Variants in RNF144A observed in about 807,000 individuals in gnomAD.
RNF144A encodes ring finger protein 144A, also known as E3 ubiquitin-protein ligase RNF144A.
In RNF144A, 11 loss-of-function variants were observed where a neutral mutation model predicts 38.7. The ratio of observed to expected loss-of-function variants is 0.28; its 90% confidence interval spans 0.18 to 0.47. The LOEUF is 0.47. Ranked by LOEUF, RNF144A falls within the 20% of genes least tolerant of loss-of-function variation. RNF144A has a pLI of 0.99. For missense variants in RNF144A, 316 were observed against 377.2 expected (o/e 0.84, Z 1.34); for synonymous variants, 149 against 143.9 (o/e 1.04, Z -0.25).
rs1379812581 is a variant in RNF144A, at chr2:7,043,530, T to C, written c.*3770T>C. ...TTTGCATGTGTAAAGCTTCATGAAG[T>C]TCTCTTTAAAAAATACCAAAGCTTG... On this transcript the variant is annotated 3_prime_UTR_variant, in exon 9 of 9. Coordinates refer to ENST00000320892, the MANE Select transcript of RNF144A (RefSeq NM_014746.6). The C allele has an allele frequency of 1.0e-6, 1 of 985,486 alleles. No homozygotes were observed. The allele number at this position is 985,486 out of a possible 1,614,324, so 61.0% of individuals were successfully genotyped here.
intron 2 of RNF144A, among the ~76,000 whole-genome samples, chr2:6,986,564 A>C (rs1450038653): frequency 1.3e-5 from 2 of 152,150 alleles, no homozygotes; most frequent in Admixed American, 1.3e-4. Flanking sequence ...CACACCCCAC[A>C]GTGGCTCTTT....
intron 6 of RNF144A, among the ~76,000 whole-genome samples, chr2:7,049,235 A>T (rs1411633719): frequency 3.9e-5 from 6 of 152,178 alleles, no homozygotes. Context: ...AGAAACAGAG[A>T]TATGAAGGTA....
At chr2:7,060,176 CTCT>C (rs899303162) in intron 6 of RNF144A, among the ~76,000 whole-genome samples, 1 of 152,138 alleles carries the variant, frequency 6.6e-6, no homozygotes, top group Non-Finnish European at 1.5e-5. Context: ...CCTCTCACTT[CTCT>C]TCTTTGTTTC....
At chr2:6,964,915 A>G (rs925168803) in intron 2 of RNF144A, among the ~76,000 whole-genome samples, 5 of 152,144 alleles carry the variant, frequency 3.3e-5, no homozygotes, top group South Asian at 2.1e-4. Context: ...ACATGTATAC[A>G]TATGTAACTA....
chr2:7,043,471 T>C lies in RNF144A; in HGVS notation c.*3711T>C. On this transcript the variant is annotated 3_prime_UTR_variant, in exon 9 of 9. Transcript: ENST00000320892. ...ATTAGTGAGCACACCTGTGTATATA[T>C]ATAAATCACAAGGAGATCATCAAGG... 6 of 985,804 alleles carry C rather than the reference T, an allele frequency of 6.1e-6. No individual in the cohort carries two copies. The highest frequency in any genetic ancestry group is 7.2e-6 in the Non-Finnish European group (6 of 829,922). 61.1% of individuals were successfully genotyped at this position (985,804 alleles called of 1,614,324 possible). A position where few individuals can be genotyped will look rare whatever the true frequency, so the allele number is the denominator to read the frequency against.
intron 8 of RNF144A, among the ~76,000 whole-genome samples, chr2:7,039,405 GGATA>G (rs1411498623): frequency 6.6e-6 from 1 of 150,878 alleles, no homozygotes; most frequent in Non-Finnish European, 1.5e-5. Flanking sequence ...ATGGATGGAT[GGATA>G]GATGGATGGG....
intron 1 of RNF144A, among the ~76,000 whole-genome samples, chr2:6,921,293 A>C (rs1474624989): frequency 6.6e-6 from 1 of 152,214 alleles, no homozygotes; most frequent in East Asian, 1.9e-4. Flanking sequence ...CAGGCTTATA[A>C]GCTGGATGCA....
chr2:7,012,663 C>G (rs1186038491), intron 3 of RNF144A, among the ~76,000 whole-genome samples: 2 of 152,248 alleles, frequency 1.3e-5, no homozygotes, highest in Non-Finnish European at 1.5e-5. Context: ...CAGAACCAGG[C>G]TGCAGCCCTG....
chr2:7,011,402 A>G lies in RNF144A; in HGVS notation c.136-3052A>G, dbSNP rs142683964. Among the ~76,000 whole-genome samples, 356 of 152,318 alleles carry G rather than the reference A, an allele frequency of 2.3e-3. 2 individuals are homozygous for G. The highest frequency in any genetic ancestry group is 7.9e-3 in the African/African-American group (329 of 41,562). On this transcript the variant is annotated intron_variant, in intron 3 of 8. Coordinates refer to ENST00000320892, the MANE Select transcript of RNF144A (RefSeq NM_014746.6). The stretch of plus-strand genomic sequence containing the variant: ...GTTTTCAATTGAGGAGTAAGTATAC[A>G]AAAAATGTACAACAGACAAACATAA...
chr2:7,012,829 C>T (rs1385556863), intron 3 of RNF144A, among the ~76,000 whole-genome samples: 1 of 152,198 alleles, frequency 6.6e-6, no homozygotes, highest in Non-Finnish European at 1.5e-5. Context: ...ATACTCACTA[C>T]TCTGGGAAAT....
At chr2:6,953,294 T>A (rs1050871824) in intron 2 of RNF144A, among the ~76,000 whole-genome samples, 3 of 152,042 alleles carry the variant, frequency 2.0e-5, no homozygotes, top group Non-Finnish European at 4.4e-5. Context: ...AGCGGCATGG[T>A]GGCGGGCGCC....
At chr2:6,966,602 G>T (rs552634374) in intron 2 of RNF144A, among the ~76,000 whole-genome samples, 1 of 152,312 alleles carries the variant, frequency 6.6e-6, no homozygotes, top group South Asian at 2.1e-4. Flanking sequence ...ATTTTAAGAG[G>T]TTAATAGTAG....
intron 6 of RNF144A, among the ~76,000 whole-genome samples, chr2:7,066,715 C>G (rs1342639737): frequency 6.6e-6 from 1 of 152,128 alleles, no homozygotes; most frequent in African/African-American, 2.4e-5. Context: ...AAAATTATCG[C>G]CATGTTGTGT....
intron 2 of RNF144A, among the ~76,000 whole-genome samples, chr2:6,975,438 A>G (rs1668252582): frequency 6.6e-6 from 1 of 152,200 alleles, no homozygotes; most frequent in Non-Finnish European, 1.5e-5. Context: ...CTTTAAAGGT[A>G]TATATTGAGA....
At chr2:6,920,605 C>G (rs929714985) in intron 1 of RNF144A, among the ~76,000 whole-genome samples, 2 of 152,250 alleles carry the variant, frequency 1.3e-5, no homozygotes, top group African/African-American at 4.8e-5. Flanking sequence ...AGCCCAGAGG[C>G]GGGGAATGGA....
intron 8 of RNF144A, among the ~76,000 whole-genome samples, chr2:7,032,216 C>T (rs1322914744): frequency 6.6e-5 from 10 of 152,004 alleles, no homozygotes; most frequent in Admixed American, 1.3e-4. Flanking sequence ...TGCTGGAATC[C>T]GCGCCCCTTG....
intron 7 of RNF144A, among the ~76,000 whole-genome samples, chr2:7,029,132 C>T (rs769250540): frequency 1.3e-5 from 2 of 152,304 alleles, no homozygotes; most frequent in South Asian, 4.1e-4. Context: ...TTTCCTCAGG[C>T]GCATTGGGCC....
intron 6 of RNF144A, among the ~76,000 whole-genome samples, chr2:7,050,507 C>T (rs1053172815): frequency 6.6e-6 from 1 of 152,130 alleles, no homozygotes; most frequent in Non-Finnish European, 1.5e-5. Context: ...TTCAGTCTCT[C>T]GTGGACACAC....
In RNF144A at chr2:6,917,657, G is replaced by T. The variant is rs1290532426; in HGVS notation, c.-212+35G>T. On this transcript the variant is annotated intron_variant, in intron 1 of 8. Transcript: ENST00000320892. The surrounding 1 kb of genome is among the most constrained non-coding windows in gnomAD (Gnocchi z 4.8). ...CGCGCGTCCCCTTTGTGTCCGCATCGCCCGGGCCGGCCGCGGAGCGGGGAG... is the reference window on the plus strand; with the variant it reads ...CGCGCGTCCCCTTTGTGTCCGCATCTCCCGGGCCGGCCGCGGAGCGGGGAG... 6.8e-6 allele frequency: 1 copy of T among 147,714 alleles called. No individual in the cohort carries two copies. The highest frequency in any genetic ancestry group is 1.5e-5 in the Non-Finnish European group (1 of 66,336). The allele number at this position is 147,714 out of a possible 1,614,324, so 9.2% of individuals were successfully genotyped here.
Sources: gnomAD v4.1 joint callset for allele counts (sites outside exome capture counted in the v4.1 genomes callset) on GRCh38, gnomAD v4.1.1 for gene constraint, Gnocchi (gnomAD v3.1) non-coding constraint, MANE v1.5 for transcripts, NCBI Gene and HGNC (gene_info 2026-07-23, HGNC 2026-07-21) for gene names.